PRUNE2: variants seen among roughly 807,000 people sequenced by gnomAD.
PRUNE2 encodes protein prune homolog 2.
PRUNE2 carries 164 observed loss-of-function variants against 252.0 expected under a neutral mutation model. The observed-to-expected ratio is 0.65, with a 90% CI of 0.57 to 0.74. PRUNE2 has a LOEUF of 0.74. PRUNE2 is among the 30% of genes least tolerant of loss of function. The probability of loss-of-function intolerance (pLI) is 0.00; values close to 1 mark genes in which losing one functional copy is unlikely to be tolerated. For synonymous variants in PRUNE2, 1,292 were observed against 1,350.2 expected (o/e 0.96, Z 0.94); for missense variants, 3,495 against 3,711.0 (o/e 0.94, Z 1.51).
intron 9 of PRUNE2, among the ~76,000 whole-genome samples, chr9:76,665,699 T>G (rs2040009282): frequency 1.3e-5 from 2 of 152,100 alleles, no homozygotes; most frequent in Admixed American, 1.3e-4. Flanking sequence ...GGTAAAGTGC[T>G]CCTCAGAATG....
chr9:76,837,449 A>ATAATAAT (rs1466613910), intron 4 of PRUNE2, among the ~76,000 whole-genome samples: 1 of 65,980 alleles, frequency 1.5e-5, no homozygotes, highest in Non-Finnish European at 3.1e-5. Flanking sequence ...TCAAATAATA[A>ATAATAAT]TAATAATAAT....
chr9:76,858,294 G>A (rs917650316), intron 1 of PRUNE2, among the ~76,000 whole-genome samples: 1 of 152,170 alleles, frequency 6.6e-6, no homozygotes, highest in African/African-American at 2.4e-5. Context: ...AATTTAAATG[G>A]AGAAGATGAA....
Position 76,850,560 on chromosome 9 carries a change from C to T in PRUNE2, c.247G>A (p.Glu83Lys), listed in dbSNP as rs189759245. The T allele has an allele frequency of 2.7e-5, 43 of 1,613,572 alleles. No individual in the cohort carries two copies. Among genetic ancestry groups the T allele is most frequent in the East Asian group, 1.3e-4 (6 of 44,878 alleles). ...TCATCCCGGAATATGTGGAATGATT[C>T]GGAAATATTTAGCTCTTCTAAAATA... ...RFILEELNIS[E>K]SFHIFRDEIN... Residue 83 changes from glutamate (E) to lysine (K), a missense_variant, in exon 3 of 19, where the codon GAA becomes AAA. By Grantham distance (56) the Glu-to-Lys change is moderately conservative. Transcript: ENST00000376718.
At position 76,846,524 on chromosome 9, in the gene PRUNE2, G is replaced by C. The variant is rs149982700; in HGVS notation, c.499C>G (p.Arg167Gly). The C allele has an allele frequency of 3.2e-5, 51 of 1,613,264 alleles. No homozygotes were observed. The African/African-American group carries it at 5.2e-4, about 16-fold the overall frequency. The change falls in exon 4 of 19, where the codon CGC (arginine) becomes GGC (glycine). Residue 167 changes from arginine (R) to glycine (G), a missense_variant. Coordinates refer to ENST00000376718, the MANE Select transcript of PRUNE2 (RefSeq NM_015225.3). ...AAGAGCCATCTCTCACCTCTGAGGC[G>C]ATGAGCCAGTTGCTCGGTGATGAGC... is the stretch of plus-strand genomic sequence containing the variant. ...PELITEQLAH[R>G]LRGSILFKWM...
intron 9 of PRUNE2, among the ~76,000 whole-genome samples, chr9:76,672,367 T>C (rs2041676320): frequency 8.5e-6 from 1 of 118,280 alleles, no homozygotes; most frequent in Admixed American, 9.3e-5. Context: ...CCTAAATATA[T>C]ATGCACCCAA....
At chr9:76,764,815 A>G (rs1452323691) in intron 6 of PRUNE2, among the ~76,000 whole-genome samples, 1 of 152,054 alleles carries the variant, frequency 6.6e-6, no homozygotes, top group African/African-American at 2.4e-5. Context: ...GGCTTCCATG[A>G]TCCTTCTCCC....
intron 4 of PRUNE2, among the ~76,000 whole-genome samples, chr9:76,846,051 T>C (rs147905232): frequency 2.6e-5 from 4 of 152,322 alleles, no homozygotes; most frequent in Non-Finnish European, 4.4e-5. Flanking sequence ...CATCTGACTA[T>C]AAAAGCCCTG....
intron 1 of PRUNE2, among the ~76,000 whole-genome samples, chr9:76,883,451 T>A (rs1171488106): frequency 6.6e-6 from 1 of 152,240 alleles, no homozygotes; most frequent in Non-Finnish European, 1.5e-5. Flanking sequence ...ACTAACCATG[T>A]AGCACTTAGC....
intron 6 of PRUNE2, among the ~76,000 whole-genome samples, chr9:76,735,419 C>T (rs915621877): frequency 7.5e-6 from 1 of 133,086 alleles, no homozygotes; most frequent in African/African-American, 2.8e-5. Context: ...TTTCTTTCTT[C>T]TTTTTTTTTT....
chr9:76,675,609 T>C (rs1163297545), intron 9 of PRUNE2, among the ~76,000 whole-genome samples: 2 of 116,704 alleles, frequency 1.7e-5, no homozygotes, highest in African/African-American at 2.9e-5. Flanking sequence ...TAAAGACACA[T>C]GCATACGTAT....
chr9:76,710,370 G>T lies in PRUNE2; in HGVS notation c.1904C>A (p.Thr635Asn). The change falls in exon 8 of 19, where the codon ACC (threonine) becomes AAC (asparagine). Residue 635 changes from threonine to asparagine, a missense_variant. Physicochemically the swap from Thr to Asn is moderately conservative, Grantham distance 65 (BLOSUM62 0). Transcript: ENST00000376718. ...EPASLYTEDM[T>N]QKATDTGHMG... is the part of the protein sequence containing the mutation. Reference sequence around the variant, plus strand: ...GTGACCTGTGTCAGTTGCTTTTTGGGTCATATCTTCTGTATAGAGTGAGGC... The same window carrying T: ...GTGACCTGTGTCAGTTGCTTTTTGGTTCATATCTTCTGTATAGAGTGAGGC... 1 of 1,613,998 alleles carries T rather than the reference G, an allele frequency of 6.2e-7. No homozygotes were observed. The highest frequency in any genetic ancestry group is 2.2e-5 in the East Asian group (1 of 44,886).
rs568237704 is a variant in PRUNE2, at chr9:76,865,587, C to T, written c.37-11379G>A. Among the ~76,000 whole-genome samples, 5 of 152,198 alleles carry T rather than the reference C, an allele frequency of 3.3e-5. No individual in the cohort carries two copies. In the South Asian group the frequency reaches 8.3e-4, roughly 25 times the overall value. On this transcript the variant is annotated intron_variant, in intron 1 of 18. Transcript: ENST00000376718. ...AGGAGATGCTCCAATCAATTTTTGTCAGTGAAAATGATAATATCGGATATA... is the reference window on the plus strand; with the variant it reads ...AGGAGATGCTCCAATCAATTTTTGTTAGTGAAAATGATAATATCGGATATA...
intron 1 of PRUNE2, among the ~76,000 whole-genome samples, chr9:76,897,390 C>CTATTTTTTTTTTTTTTTTTTTTTT (rs1564527202): frequency 1.8e-5 from 1 of 56,252 alleles, no homozygotes. Context: ...AGGCAAACCT[C>CTATTTTTTTTTTTTTTTTTTTTTT]TTTTTTTTTT....
intron 1 of PRUNE2, among the ~76,000 whole-genome samples, chr9:76,877,219 T>A (rs2061523077): frequency 2.0e-5 from 3 of 149,598 alleles, no homozygotes; most frequent in South Asian, 2.1e-4. Flanking sequence ...AAAAAAAAAA[T>A]TCAGACCTGG....
At chr9:76,810,531 T>C (rs1205731837) in intron 6 of PRUNE2, among the ~76,000 whole-genome samples, 1 of 152,182 alleles carries the variant, frequency 6.6e-6, no homozygotes, top group East Asian at 1.9e-4. Flanking sequence ...TGTTTTCCTG[T>C]TTCCACCACT....
chr9:76,642,001 T>TAAAAAAAAAAAAAAAGAA, intron 12 of PRUNE2: 1 of 1,010,460 alleles, frequency 9.9e-7, no homozygotes. Flanking sequence ...ATAAGAGAAG[T>TAAAAAAAAAAAAAAAGAA]AAAAAAAAAA....
chr9:76,897,137 A>G (rs1048682725), intron 1 of PRUNE2, among the ~76,000 whole-genome samples: 1 of 152,214 alleles, frequency 6.6e-6, no homozygotes, highest in Non-Finnish European at 1.5e-5. Context: ...ACATAAAACA[A>G]GCAACACAGA....
chr9:76,852,221 C>T (rs2060000114), intron 2 of PRUNE2, among the ~76,000 whole-genome samples: 1 of 152,230 alleles, frequency 6.6e-6, no homozygotes, highest in Non-Finnish European at 1.5e-5. Context: ...TTTTCTCCCT[C>T]CTGTCACGCT....
intron 6 of PRUNE2, among the ~76,000 whole-genome samples, chr9:76,765,895 G>A (rs903948656): frequency 3.3e-5 from 5 of 152,046 alleles, no homozygotes; most frequent in African/African-American, 1.2e-4. Flanking sequence ...GAAATATCTC[G>A]TTAGAGGCCA....
Sources: gnomAD v4.1 joint callset for allele counts (sites outside exome capture counted in the v4.1 genomes callset) on GRCh38, gnomAD v4.1.1 for gene constraint, MANE v1.5 for transcripts, NCBI Gene and HGNC (gene_info 2026-07-23, HGNC 2026-07-21) for gene names.